Variants in ABCA1 observed in about 807,000 individuals in gnomAD.
The protein encoded by ABCA1 is ATP binding cassette subfamily A member 1.
Under a neutral mutation model 262.5 loss-of-function variants are expected in ABCA1, and 133 were observed. The ratio of observed to expected loss-of-function variants is 0.51; its 90% CI spans 0.44 to 0.59. The LOEUF (loss-of-function observed/expected upper bound fraction) is 0.59. ABCA1 is among the 20% of genes least tolerant of loss of function. The pLI, the probability that ABCA1 is intolerant of heterozygous loss-of-function variation, is 0.00. For missense variants in ABCA1, 2,452 were observed against 2,777.5 expected, an observed-to-expected ratio of 0.88 and a Z score of 2.63; for synonymous variants, 1,022 against 1,043.5, an observed-to-expected ratio of 0.98 and a Z score of 0.40.
At chr9:104,907,018 G>C (rs78174930) in intron 1 of ABCA1, among the ~76,000 whole-genome samples, 5,664 of 152,096 alleles carry the variant, frequency 0.037, 206 homozygotes, top group African/African-American at 0.084. Flanking sequence ...GCCTCTCCCC[G>C]ACTTAAAACC....
intron 24 of ABCA1, 95 bp from the exon 25 acceptor site, chr9:104,816,440 G>A (rs1202393271): frequency 5.5e-5 from 63 of 1,143,440 alleles, no homozygotes; most frequent in East Asian, 4.3e-4. Context: ...GAGGCCTGCC[G>A]CTCATACACC....
intron 14 of ABCA1, among the ~76,000 whole-genome samples, chr9:104,829,943 TACACAC>T (rs59055896): frequency 0.11 from 15,704 of 140,770 alleles, 1,046 homozygotes; most frequent in East Asian, 0.27. Flanking sequence ...TCCTGATCCC[TACACAC>T]ACACACACAC....
At chr9:104,822,881 T>C (rs1832490628) in intron 18 of ABCA1, among the ~76,000 whole-genome samples, 1 of 151,838 alleles carries the variant, frequency 6.6e-6, no homozygotes, top group Non-Finnish European at 1.5e-5. Flanking sequence ...GCATTCAGAG[T>C]CTATTGGGAA....
In ABCA1 at chr9:104,897,997, T is replaced by C. The variant is rs146017616; in HGVS notation, c.66+5617A>G. On this transcript the variant is annotated intron_variant, in intron 2 of 49. Coordinates refer to ENST00000374736, the MANE Select transcript of ABCA1 (RefSeq NM_005502.4). ...GTGAGAATCAAGAAAGTAATGGATA[T>C]CAAAGTATTACTTTCAAAACTATAA... is the stretch of plus-strand genomic sequence containing the variant. Among the ~76,000 whole-genome samples, 112 of 152,346 alleles carry C rather than the reference T, an allele frequency of 7.4e-4. 1 individual carries two copies. The highest frequency in any genetic ancestry group is 2.6e-3 in the African/African-American group (109 of 41,580).
At chr9:104,885,064 T>C (rs1003220345) in intron 3 of ABCA1, among the ~76,000 whole-genome samples, 1 of 152,032 alleles carries the variant, frequency 6.6e-6, no homozygotes, top group Non-Finnish European at 1.5e-5. Flanking sequence ...GGCGAAACCC[T>C]GTCTCTACTA....
At position 104,897,928 on chromosome 9, in the gene ABCA1, C is replaced by T. The variant is rs1425298806; in HGVS notation, c.66+5686G>A. Among the ~76,000 whole-genome samples the T allele has an allele frequency of 2.6e-5, 4 of 152,298 alleles. No individual in the cohort carries two copies. In the East Asian group the frequency reaches 7.7e-4, roughly 29 times the overall value. ...ATTAACTTATTAACAATACTCTCTTCATCTGTGAAACAGAAATTGCAACGC... is the reference window on the plus strand; with the variant it reads ...ATTAACTTATTAACAATACTCTCTTTATCTGTGAAACAGAAATTGCAACGC... On this transcript the variant is annotated intron_variant, in intron 2 of 49. Transcript: ENST00000374736.
At chr9:104,784,566 T>C in intron 49 of ABCA1, 111 bp from the exon 50 acceptor site, 2 of 1,271,008 alleles carry the variant, frequency 1.6e-6, no homozygotes, top group Non-Finnish European at 2.2e-6. Flanking sequence ...GCATACAGAA[T>C]TACATAAATG....
chr9:104,921,351 C>G (rs1842131821), intron 1 of ABCA1, among the ~76,000 whole-genome samples: 1 of 152,148 alleles, frequency 6.6e-6, no homozygotes, highest in African/African-American at 2.4e-5. Flanking sequence ...AGATCCAATG[C>G]ATATGAAGTT....
chr9:104,809,621 G>A (rs1831092064), intron 29 of ABCA1, 57 bp from the exon 30 acceptor site: 1 of 1,439,476 alleles, frequency 6.9e-7, no homozygotes, highest in Admixed American at 1.7e-5. Context: ...GTAATCGAGA[G>A]ATAAAAATGT....
At chr9:104,874,432 G>GT (rs1837919884) in intron 5 of ABCA1, among the ~76,000 whole-genome samples, 1 of 152,174 alleles carries the variant, frequency 6.6e-6, no homozygotes, top group Admixed American at 6.5e-5. Context: ...AGGCCTGGTG[G>GT]TAAGTGCCTG....
chr9:104,810,685 G>A (rs550451697), intron 29 of ABCA1, 115 bp downstream of exon 29: 39 of 1,526,876 alleles, frequency 2.6e-5, no homozygotes, highest in South Asian at 6.8e-5. Context: ...GACCTGAGCC[G>A]CAGCAGTAAA....
intron 46 of ABCA1, chr9:104,787,689 C>A (rs945361284): frequency 1.7e-5 from 4 of 237,366 alleles, no homozygotes; most frequent in Non-Finnish European, 2.1e-5. Flanking sequence ...CTCAATCACG[C>A]TAAGAAACAA....
At chr9:104,843,128 C>T (rs1024552335) in intron 8 of ABCA1, among the ~76,000 whole-genome samples, 2 of 152,186 alleles carry the variant, frequency 1.3e-5, no homozygotes, top group African/African-American at 4.8e-5. Flanking sequence ...ATGCTCTATG[C>T]CCCTTACCCT....
rs1838819084 is a variant in ABCA1, at chr9:104,882,987, G to A, written c.421+52C>T. The A allele has an allele frequency of 6.9e-6, 10 of 1,455,088 alleles. No individual in the cohort carries two copies. In the South Asian group the frequency reaches 9.1e-5, roughly 13 times the overall value. The allele number at this position is 1,455,088 out of a possible 1,614,324, so 90.1% of individuals were successfully genotyped here. A position where few individuals can be genotyped will look rare whatever the true frequency, so the allele number is the denominator to read the frequency against. On this transcript the variant is annotated intron_variant, in intron 5 of 49. Coordinates refer to ENST00000374736, the MANE Select transcript of ABCA1 (RefSeq NM_005502.4). ...GACACCTGGGCTACTCTCTTTCCCT[G>A]GTGCAGGTCAATTTCCAATTATAAA... is the stretch of plus-strand genomic sequence containing the variant.
rs534364899 is a variant in ABCA1, at chr9:104,904,852, G to A, written c.-92-1081C>T. On this transcript the variant is annotated intron_variant, in intron 1 of 49. Coordinates refer to ENST00000374736, the MANE Select transcript of ABCA1 (RefSeq NM_005502.4). ...TGTTCCACCTGCACCTGAACACACC[G>A]CCCCCCTACTCCGTTGGGTGTCACA... Among the ~76,000 whole-genome samples, 14 of 152,130 alleles carry A rather than the reference G, an allele frequency of 9.2e-5. No homozygotes were observed. In the South Asian group the frequency reaches 2.3e-3, roughly 25 times the overall value.
At chr9:104,812,540 A>G in intron 28 of ABCA1, 34 bp downstream of exon 28, 1 of 1,613,720 alleles carries the variant, frequency 6.2e-7, no homozygotes, top group Non-Finnish European at 8.5e-7. Flanking sequence ...CCACCCATGA[A>G]GCCAGAGTCT....
chr9:104,829,054 G>T lies in ABCA1; in HGVS notation c.1977C>A (p.Ile659=), dbSNP rs34083760. Reference sequence around the variant, plus strand: ...TCAGCCGTGCCTCCTTCTCATACACGATGCCCTTGATGATCACAGCCACTG... The same window carrying T: ...TCAGCCGTGCCTCCTTCTCATACACTATGCCCTTGATGATCACAGCCACTG... ...IYSVAVIIKG[I]VYEKEARLKE... is the part of the protein sequence containing the mutation. Residue 659 remains isoleucine, a synonymous_variant, in exon 15 of 50, where the codon ATC becomes ATA. Transcript: ENST00000374736. The T allele has an allele frequency of 6.2e-7, 1 of 1,614,018 alleles. No homozygotes were observed. Among genetic ancestry groups the T allele is most frequent in the African/African-American group, 1.3e-5 (1 of 74,896 alleles).
chr9:104,787,874 TCCA>T (rs1829061191), intron 46 of ABCA1, 43 bp downstream of exon 46: 1 of 1,613,762 alleles, frequency 6.2e-7, no homozygotes, highest in African/African-American at 1.3e-5. Context: ...AGTCATGTTT[TCCA>T]CTCAGGCCAG....
chr9:104,810,753 G>A, intron 29 of ABCA1, 47 bp downstream of exon 29: 1 of 1,613,816 alleles, frequency 6.2e-7, no homozygotes, highest in Non-Finnish European at 8.5e-7. Flanking sequence ...AACATCTTTG[G>A]TCTGCTCGAA....
Sources: gnomAD v4.1 joint callset for allele counts (sites outside exome capture counted in the v4.1 genomes callset) on GRCh38, gnomAD v4.1.1 for gene constraint, MANE v1.5 for transcripts, NCBI Gene and HGNC (gene_info 2026-07-23, HGNC 2026-07-21) for gene names.